Variants in SLC35H1 observed in about 807,000 individuals in gnomAD.
SLC35H1 encodes the protein solute carrier family 35 member H1.
the SLC35H1 span, chr20:46,363,222 T>G: frequency 6.6e-6 from 1 of 152,244 alleles, no homozygotes; most frequent in South Asian, 2.1e-4. Flanking sequence ...GTCAACTCAA[T>G]CTATAAAAAT....
the SLC35H1 span, among the ~76,000 whole-genome samples, chr20:46,362,434 T>C: frequency 6.6e-6 from 1 of 152,284 alleles, no homozygotes; most frequent in African/African-American, 2.4e-5. Context: ...TAACTGTAAC[T>C]TGGGCAGCAT....
At chr20:46,350,761 C>T in the SLC35H1 span, 1 of 1,614,032 alleles carries the variant, frequency 6.2e-7, no homozygotes, top group South Asian at 1.1e-5. Flanking sequence ...TCTGGGTTAC[C>T]TCTGGAATGC....
chr20:46,358,777 A>G, the SLC35H1 span: 3 of 1,448,496 alleles, frequency 2.1e-6, no homozygotes, highest in Non-Finnish European at 2.8e-6. Flanking sequence ...CTGGGGAAAA[A>G]GGGCCGCTCT....
the SLC35H1 span, among the ~76,000 whole-genome samples, chr20:46,358,059 C>T: frequency 6.6e-6 from 1 of 152,228 alleles, no homozygotes; most frequent in African/African-American, 2.4e-5. Flanking sequence ...GGCCTATGCC[C>T]AAGTGAGAGC....
chr20:46,355,379 G>A, the SLC35H1 span: 2 of 963,798 alleles, frequency 2.1e-6, no homozygotes, highest in Non-Finnish European at 3.1e-6. The surrounding 1 kb of genome is among the most constrained non-coding windows in gnomAD (Gnocchi z 4.8). Context: ...CTCCATCCCA[G>A]GGGGTCCTGG....
At chr20:46,354,294 A>C in the SLC35H1 span, among the ~76,000 whole-genome samples, 1 of 152,116 alleles carries the variant, frequency 6.6e-6, no homozygotes, top group East Asian at 1.9e-4. Context: ...TGAACCTCCT[A>C]TTCCTACTTC....
chr20:46,358,084 A>G, the SLC35H1 span, among the ~76,000 whole-genome samples: 1 of 152,196 alleles, frequency 6.6e-6, no homozygotes, highest in African/African-American at 2.4e-5. Flanking sequence ...GCGGCCCACT[A>G]CGTTGTATCA....
chr20:46,362,688 T>G, the SLC35H1 span, among the ~76,000 whole-genome samples: 1 of 152,210 alleles, frequency 6.6e-6, no homozygotes, highest in South Asian at 2.1e-4. Context: ...CTTCACCCCC[T>G]GCTCTCACTT....
chr20:46,354,483 C>A, the SLC35H1 span, among the ~76,000 whole-genome samples: 3 of 152,154 alleles, frequency 2.0e-5, no homozygotes, highest in Admixed American at 2.0e-4. Flanking sequence ...AGCCAGGCTG[C>A]TGGCTTCAAA....
At chr20:46,363,139 C>A in the SLC35H1 span, 1 of 152,280 alleles carries the variant, frequency 6.6e-6, no homozygotes, top group Non-Finnish European at 1.5e-5. Context: ...TTGGGTGCCA[C>A]GATACCACAT....
At chr20:46,351,810 C>A in the SLC35H1 span, among the ~76,000 whole-genome samples, 2 of 152,190 alleles carry the variant, frequency 1.3e-5, no homozygotes, top group Non-Finnish European at 2.9e-5. Context: ...TGGGGAGGGG[C>A]GGCTCTCCAT....
At chr20:46,355,408 T>C in the SLC35H1 span, 2 of 732,742 alleles carry the variant, frequency 2.7e-6, no homozygotes, top group Non-Finnish European at 4.4e-6. The surrounding 1 kb of genome is among the most constrained non-coding windows in gnomAD (Gnocchi z 4.8). Flanking sequence ...TGCCCACCAA[T>C]GTCAGCATGT....
At chr20:46,350,463 G>A in the SLC35H1 span, 1 of 1,613,436 alleles carries the variant, frequency 6.2e-7, no homozygotes, top group Non-Finnish European at 8.5e-7. Context: ...GGCTGCTCCG[G>A]AGCAGCAGCT....
the SLC35H1 span, chr20:46,356,754 T>A: frequency 2.3e-6 from 2 of 881,244 alleles, no homozygotes; most frequent in Admixed American, 2.3e-5. Context: ...GTGCCTCCTG[T>A]GGGGCCCTTG....
chr20:46,358,393 C>T, the SLC35H1 span: 24 of 1,614,076 alleles, frequency 1.5e-5, no homozygotes, highest in Non-Finnish European at 1.9e-5. Flanking sequence ...GTACCTTTGT[C>T]AGCCACTTGT....
the SLC35H1 span, chr20:46,358,884 C>T: frequency 1.6e-5 from 11 of 698,784 alleles, 1 homozygote; most frequent in Admixed American, 2.3e-4. Flanking sequence ...ACGGCACAGG[C>T]AGTCCCAGAG....
the SLC35H1 span, chr20:46,354,817 G>T: frequency 7.2e-7 from 1 of 1,386,406 alleles, no homozygotes; most frequent in African/African-American, 1.4e-5. Context: ...CACTGTGTTG[G>T]GCTCAGGGCG....
the SLC35H1 span, among the ~76,000 whole-genome samples, chr20:46,356,149 A>G: frequency 6.6e-6 from 1 of 152,218 alleles, no homozygotes; most frequent in Non-Finnish European, 1.5e-5. Context: ...AAGGATGAGA[A>G]GTAGGAGGAC....
At chr20:46,351,003 A>C in the SLC35H1 span, 1,377,443 of 1,378,890 alleles carry the variant, frequency 1, 688,006 homozygotes, top group Middle Eastern at 1. Flanking sequence ...TCAAGATCTT[A>C]CTGAAATCCT....
Sources: allele counts gnomAD v4.1 joint callset (sites outside exome capture counted in the v4.1 genomes callset), GRCh38; gene constraint gnomAD v4.1.1; non-coding constraint Gnocchi (gnomAD v3.1); transcripts MANE v1.5; gene names NCBI Gene and HGNC (gene_info 2026-07-23, HGNC 2026-07-21).